VPS13B: variants seen among roughly 807,000 people sequenced by gnomAD.
VPS13B encodes the protein vacuolar protein sorting 13 homolog B, also known as intermembrane lipid transfer protein VPS13B.
In VPS13B, 285 loss-of-function variants were observed where a neutral mutation model predicts 426.4. That is an observed-to-expected ratio of 0.67 (90% CI 0.61 to 0.74). The LOEUF (loss-of-function observed/expected upper bound fraction) is 0.74, where lower values mean the gene tolerates loss of function less well. Ranked by LOEUF, VPS13B falls within the 30% of genes least tolerant of loss-of-function variation. The pLI is 0.00. For synonymous variants in VPS13B, 1,676 were observed against 1,676.4 expected, an observed-to-expected ratio of 1.00 and a Z score of 0.01; for missense variants, 4,537 against 4,782.6, an observed-to-expected ratio of 0.95 and a Z score of 1.51.
intron 43 of VPS13B, among the ~76,000 whole-genome samples, chr8:99,790,995 T>G (rs1405034337): frequency 6.6e-6 from 1 of 152,130 alleles, no homozygotes; most frequent in Non-Finnish European, 1.5e-5. Flanking sequence ...CACAAAGGTG[T>G]GATAATCTAC....
In VPS13B at chr8:99,784,316, A is replaced by G. The variant is rs1588708649; in HGVS notation, c.7781A>G (p.Asn2594Ser). 1 of 1,613,616 alleles carries G rather than the reference A, an allele frequency of 6.2e-7. No homozygotes were observed. The highest frequency in any genetic ancestry group is 8.5e-7 in the Non-Finnish European group (1 of 1,179,644). Residue 2594 changes from asparagine to serine, a missense_variant and splice_region_variant, in exon 43 of 62, where the codon AAC (asparagine) becomes AGC (serine). Asn to Ser is a conservative substitution (Grantham distance 46, BLOSUM62 1). Around this residue, in one of 2 missense-constraint regions of VPS13B, gnomAD observed 4,311 missense variants for 4,474.3 expected, o/e 0.96. Transcript: ENST00000357162. ...GCTTTCGTATCCTTTTTCTTTCAGA[A>G]CAAATGCCCTGAGGTAGAGGAGTTG... Reference protein sequence around the residue: ...LNTAIQAWQQNKCPEVEELVF... With the variant: ...LNTAIQAWQQSKCPEVEELVF...
chr8:99,112,952 G>A (rs760982003), intron 6 of VPS13B, among the ~76,000 whole-genome samples: 10 of 152,056 alleles, frequency 6.6e-5, no homozygotes, highest in African/African-American at 1.4e-4. Flanking sequence ...TGATATCAAT[G>A]TGTTATACTC....
At chr8:99,146,621 G>A (rs1810740978) in intron 13 of VPS13B, among the ~76,000 whole-genome samples, 1 of 152,152 alleles carries the variant, frequency 6.6e-6, no homozygotes. Context: ...CACCTAGGCT[G>A]AAATACAGTG....
Position 99,868,298 on chromosome 8 carries a change from C to G in VPS13B, c.11225C>G (p.Ala3742Gly). The change falls in exon 59 of 62, where the codon GCT (alanine) becomes GGT (glycine). Residue 3742 changes from alanine to glycine, a missense_variant. Physicochemically the swap from Ala to Gly is moderately conservative, Grantham distance 60. This residue lies in a region of VPS13B where 4,311 missense variants were observed against 4,474.3 expected (regional missense o/e 0.96). Transcript: ENST00000357162. ...GCTTTTGTTATTCCAGGTGCAATTGCTGGTATAGTTGATCAGCCGATGCAG... is the reference window on the plus strand; with the variant it reads ...GCTTTTGTTATTCCAGGTGCAATTGGTGGTATAGTTGATCAGCCGATGCAG... Reference protein sequence around the residue: ...RLGISLLGAIAGIVDQPMQNF... With the variant: ...RLGISLLGAIGGIVDQPMQNF... The G allele has an allele frequency of 6.2e-7, 1 of 1,614,126 alleles. No homozygotes were observed. Among genetic ancestry groups the G allele is most frequent in the Non-Finnish European group, 8.5e-7 (1 of 1,180,020 alleles).
chr8:99,393,163 G>T (rs1300183923), intron 21 of VPS13B, among the ~76,000 whole-genome samples: 1 of 151,908 alleles, frequency 6.6e-6, no homozygotes, highest in Non-Finnish European at 1.5e-5. Context: ...GACAGAAAAT[G>T]CTTATAATGT....
chr8:99,368,048 GAA>G (rs1418656368), intron 19 of VPS13B, among the ~76,000 whole-genome samples: 20 of 152,208 alleles, frequency 1.3e-4, no homozygotes, highest in Admixed American at 9.8e-4. Context: ...TATTGGGAAA[GAA>G]AGAGAACCAA....
intron 55 of VPS13B, among the ~76,000 whole-genome samples, chr8:99,850,355 A>G (rs1398860256): frequency 1.4e-5 from 2 of 148,030 alleles, no homozygotes; most frequent in African/African-American, 2.6e-5. Flanking sequence ...ACATACATAC[A>G]TAAGTACGCA....
At chr8:99,650,485 T>C (rs1829765126) in intron 34 of VPS13B, among the ~76,000 whole-genome samples, 1 of 152,228 alleles carries the variant, frequency 6.6e-6, no homozygotes, top group African/African-American at 2.4e-5. Context: ...GTGTATACTC[T>C]GTAGTGATGT....
intron 3 of VPS13B, among the ~76,000 whole-genome samples, chr8:99,093,078 G>T (rs1487065196): frequency 6.6e-6 from 1 of 151,682 alleles, no homozygotes; most frequent in African/African-American, 2.4e-5. Flanking sequence ...TACACTGAAT[G>T]ACTCCTAAAG....
At chr8:99,720,585 T>A (rs1190664288) in intron 38 of VPS13B, 33 bp downstream of exon 38, 2 of 1,594,768 alleles carry the variant, frequency 1.3e-6, no homozygotes, top group Non-Finnish European at 1.7e-6. Context: ...TGAGAGTGTC[T>A]CTGTGCATGT....
chr8:99,623,556 A>C (rs992778426), intron 33 of VPS13B, among the ~76,000 whole-genome samples: 2 of 152,242 alleles, frequency 1.3e-5, no homozygotes, highest in Non-Finnish European at 2.9e-5. Context: ...TAATTTGTTG[A>C]ATAAGTAAAT....
intron 19 of VPS13B, among the ~76,000 whole-genome samples, chr8:99,373,160 TGGGAGGTGGGGG>T (rs996390861): frequency 3.3e-5 from 5 of 151,868 alleles, no homozygotes; most frequent in Non-Finnish European, 7.4e-5. Flanking sequence ...CGGCACCTGT[TGGGAGGTGGGGG>T]GCAATGGGAG....
chr8:99,537,024 A>C (rs1823281621), intron 30 of VPS13B, among the ~76,000 whole-genome samples: 1 of 152,240 alleles, frequency 6.6e-6, no homozygotes, highest in Non-Finnish European at 1.5e-5. Context: ...ATTATGCTGT[A>C]AATATATTTA....
intron 52 of VPS13B, among the ~76,000 whole-genome samples, chr8:99,833,957 T>A (rs1815231158): frequency 2.0e-5 from 3 of 152,222 alleles, no homozygotes; most frequent in Admixed American, 2.0e-4. Context: ...AAAATGAATT[T>A]ATTTTGTGCT....
intron 15 of VPS13B, among the ~76,000 whole-genome samples, chr8:99,167,215 G>A (rs907337029): frequency 6.6e-6 from 1 of 152,014 alleles, no homozygotes; most frequent in African/African-American, 2.4e-5. Context: ...CCCCTGAAGA[G>A]TTTTTCTTCA....
chr8:99,674,772 A>C (rs1286013519), intron 35 of VPS13B, among the ~76,000 whole-genome samples: 1 of 152,070 alleles, frequency 6.6e-6, no homozygotes, highest in East Asian at 1.9e-4. Flanking sequence ...AAAAAATCTT[A>C]TAGTTATAAC....
intron 42 of VPS13B, among the ~76,000 whole-genome samples, chr8:99,779,503 T>G (rs1811906897): frequency 6.6e-6 from 1 of 152,148 alleles, no homozygotes; most frequent in African/African-American, 2.4e-5. Context: ...ACAGTCTTAG[T>G]TTTTTCCTCT....
chr8:99,818,807 A>G lies in VPS13B; in HGVS notation c.8540A>G (p.Gln2847Arg). ...EKRSLGLSETQIIPGKGQEKP... is the reference protein window; with the variant it reads ...EKRSLGLSETRIIPGKGQEKP... ...AGGAGTCTGGGATTGAGTGAAACAC[A>G]AATTATTCCAGGAAAAGGGCAGGAA... is the stretch of plus-strand genomic sequence containing the variant. The change falls in exon 47 of 62, where the codon CAA becomes CGA. Residue 2847 changes from glutamine (Q) to arginine (R), a missense_variant. This residue lies in a region of VPS13B where 4,311 missense variants were observed against 4,474.3 expected (regional missense o/e 0.96). Transcript: ENST00000357162. 1.2e-6 allele frequency: 2 copies of G among 1,614,056 alleles called. No homozygotes were observed. Among genetic ancestry groups the G allele is most frequent in the South Asian group, 1.1e-5 (1 of 91,078 alleles).
chr8:99,740,477 A>G (rs1809650761), intron 39 of VPS13B, among the ~76,000 whole-genome samples: 1 of 152,212 alleles, frequency 6.6e-6, no homozygotes, highest in Non-Finnish European at 1.5e-5. Flanking sequence ...AGAGAACGCC[A>G]CAAAGATACT....
Sources: gnomAD v4.1 joint callset for allele counts (sites outside exome capture counted in the v4.1 genomes callset) on GRCh38, gnomAD v4.1.1 for gene constraint, gnomAD v4.1.1 regional missense constraint, MANE v1.5 for transcripts, NCBI Gene and HGNC (gene_info 2026-07-23, HGNC 2026-07-21) for gene names.